KCNN2: variants seen among roughly 807,000 people sequenced by gnomAD.
The protein encoded by KCNN2 is small conductance calcium-activated potassium channel protein 2.
In KCNN2, 24 loss-of-function variants were observed where a neutral mutation model predicts 55.5. The ratio of observed to expected loss-of-function variants is 0.43; its 90% CI spans 0.31 to 0.61. KCNN2 has a LOEUF of 0.61. Ranked by LOEUF, KCNN2 falls within the 20% of genes least tolerant of loss-of-function variation. The probability of loss-of-function intolerance (pLI) is 0.08; values close to 1 mark genes in which losing one functional copy is unlikely to be tolerated. For missense variants in KCNN2, 754 were observed against 853.6 expected (o/e 0.88, Z 1.45); for synonymous variants, 431 against 336.1 (o/e 1.28, Z -3.09).
intron 1 of KCNN2, among the ~76,000 whole-genome samples, chr5:114,129,871 G>T (rs1368845931): frequency 6.6e-5 from 10 of 152,184 alleles, no homozygotes; most frequent in African/African-American, 9.7e-5. Context: ...TTTCCTGGTA[G>T]AATCCCTTCT....
At chr5:114,123,794 G>T (rs1433983137) in intron 1 of KCNN2, among the ~76,000 whole-genome samples, 1 of 152,076 alleles carries the variant, frequency 6.6e-6, no homozygotes, top group African/African-American at 2.4e-5. Flanking sequence ...CTCTTACACT[G>T]TATGCTCCTA....
At chr5:114,304,675 C>T (rs1345814370) in intron 2 of KCNN2, among the ~76,000 whole-genome samples, 3 of 152,208 alleles carry the variant, frequency 2.0e-5, no homozygotes, top group African/African-American at 7.2e-5. Context: ...ATCCTTAGCC[C>T]TAATAGTAGA....
At chr5:114,117,558 G>A (rs1389067909) in intron 1 of KCNN2, among the ~76,000 whole-genome samples, 2 of 152,196 alleles carry the variant, frequency 1.3e-5, no homozygotes, top group East Asian at 1.9e-4. Flanking sequence ...TGAATTGCTT[G>A]AGCCGTGGAT....
intron 2 of KCNN2, among the ~76,000 whole-genome samples, chr5:114,399,066 C>T (rs1057100107): frequency 1.3e-5 from 2 of 152,196 alleles, no homozygotes; most frequent in East Asian, 1.9e-4. Flanking sequence ...CTAGCTAAGA[C>T]TTCCAGTACT....
chr5:114,387,953 C>G (rs1323782431), intron 2 of KCNN2, among the ~76,000 whole-genome samples: 1 of 152,206 alleles, frequency 6.6e-6, no homozygotes, highest in African/African-American at 2.4e-5. Flanking sequence ...CTTTACCCGC[C>G]TTCTGTCTGT....
chr5:114,144,953 G>A (rs1752367514), intron 1 of KCNN2, among the ~76,000 whole-genome samples: 1 of 152,102 alleles, frequency 6.6e-6, no homozygotes, highest in South Asian at 2.1e-4. Flanking sequence ...TGTGGAAATA[G>A]TAGTGTAAAT....
chr5:114,057,608 G>A (rs1750239298), intron 1 of KCNN2, among the ~76,000 whole-genome samples: 1 of 152,142 alleles, frequency 6.6e-6, no homozygotes, highest in Admixed American at 6.5e-5. Flanking sequence ...GACAGACTAT[G>A]TATCAATAAA....
At position 114,464,803 on chromosome 5, in the gene KCNN2, G is replaced by A. The variant is rs543820515; in HGVS notation, c.1779+1613G>A. Among the ~76,000 whole-genome samples the A allele has an allele frequency of 3.1e-4, 40 of 130,498 alleles. 2 individuals carry two copies. In the South Asian group the frequency reaches 6.4e-3, roughly 21 times the overall value. 85.6% of individuals were successfully genotyped at this position (130,498 alleles called of 152,430 possible). A position where few individuals can be genotyped will look rare whatever the true frequency, so the allele number is the denominator to read the frequency against. The stretch of plus-strand genomic sequence containing the variant: ...GAAAAATAATAGTTTTAATTATAGT[G>A]AACTTTAAAAAAAAAAACGGTATGC... On this transcript the variant is annotated intron_variant, in intron 4 of 7. Transcript: ENST00000673685.
intron 2 of KCNN2, among the ~76,000 whole-genome samples, chr5:114,314,235 A>G (rs1023243092): frequency 4.6e-5 from 7 of 152,230 alleles, no homozygotes; most frequent in Middle Eastern, 6.8e-3. Flanking sequence ...GAGTTCCTAT[A>G]TATCACTTCC....
intron 1 of KCNN2, among the ~76,000 whole-genome samples, chr5:114,065,397 G>A (rs997102935): frequency 2.6e-5 from 4 of 152,162 alleles, no homozygotes; most frequent in Non-Finnish European, 4.4e-5. Context: ...GTGTACATGA[G>A]GTGCTTACCA....
At chr5:114,477,228 T>C (rs1192576760) in intron 5 of KCNN2, among the ~76,000 whole-genome samples, 1 of 152,142 alleles carries the variant, frequency 6.6e-6, no homozygotes, top group Non-Finnish European at 1.5e-5. Flanking sequence ...AAAAAAGCAA[T>C]ATGAATGTTA....
chr5:114,146,177 G>GA (rs896196676), intron 1 of KCNN2, among the ~76,000 whole-genome samples: 1 of 152,012 alleles, frequency 6.6e-6, no homozygotes, highest in Non-Finnish European at 1.5e-5. Context: ...ATGGTTACCA[G>GA]AAAAAATGTT....
chr5:114,459,686 G>T (rs1174710690), intron 3 of KCNN2, among the ~76,000 whole-genome samples: 2 of 152,064 alleles, frequency 1.3e-5, no homozygotes, highest in Non-Finnish European at 2.9e-5. Flanking sequence ...TTTCTATTCT[G>T]AGCTATTTTT....
At chr5:114,333,484 T>A (rs1176725706) in intron 2 of KCNN2, among the ~76,000 whole-genome samples, 1 of 152,212 alleles carries the variant, frequency 6.6e-6, no homozygotes, top group East Asian at 1.9e-4. Flanking sequence ...AAAGTCTATT[T>A]GATTTATCTG....
intron 1 of KCNN2, among the ~76,000 whole-genome samples, chr5:114,159,415 T>C (rs1413324741): frequency 6.6e-6 from 1 of 152,226 alleles, no homozygotes; most frequent in African/African-American, 2.4e-5. Flanking sequence ...CAGTATTTTA[T>C]TGAGGATTTT....
intron 2 of KCNN2, among the ~76,000 whole-genome samples, chr5:114,243,792 C>CAGGATAA (rs2112618840): frequency 6.6e-6 from 1 of 152,190 alleles, no homozygotes; most frequent in East Asian, 1.9e-4. Context: ...GTGTTTCCCC[C>CAGGATAA]AGGATAAAGG....
intron 1 of KCNN2, among the ~76,000 whole-genome samples, chr5:114,100,366 A>T (rs1048024488): frequency 6.6e-6 from 1 of 152,092 alleles, no homozygotes; most frequent in African/African-American, 2.4e-5. Context: ...AAGAAATATT[A>T]ATTTGTTAAG....
chr5:114,089,226 G>T (rs1194304818), intron 1 of KCNN2, among the ~76,000 whole-genome samples: 3 of 152,054 alleles, frequency 2.0e-5, no homozygotes, highest in Non-Finnish European at 2.9e-5. Context: ...TTTTGTTCTG[G>T]CAATTAACTG....
chr5:114,274,769 T>G (rs1195250342), intron 2 of KCNN2, among the ~76,000 whole-genome samples: 1 of 152,220 alleles, frequency 6.6e-6, no homozygotes, highest in Non-Finnish European at 1.5e-5. Context: ...TATACTATCA[T>G]GTCATCTGCA....
Sources: allele counts gnomAD v4.1 joint callset (sites outside exome capture counted in the v4.1 genomes callset), GRCh38; gene constraint gnomAD v4.1.1; transcripts MANE v1.5; gene names NCBI Gene and HGNC (gene_info 2026-07-23, HGNC 2026-07-21).